The following CLCC1 variants were observed in gnomAD, a reference collection of about 807,000 sequenced individuals.
The protein encoded by CLCC1 is chloride channel CLIC-like protein 1.
A neutral mutation model predicts 63.3 loss-of-function variants in CLCC1; 39 were observed. The observed-to-expected ratio is 0.62, with a 90% CI of 0.48 to 0.81. CLCC1 has a LOEUF of 0.81. CLCC1 is among the 30% of genes least tolerant of loss of function. The pLI is 0.00. For synonymous variants in CLCC1, 217 were observed against 239.8 expected (o/e 0.90, Z 0.88); for missense variants, 549 against 669.4 (o/e 0.82, Z 1.98).
chr1:108,939,611 A>G lies in CLCC1; in HGVS notation c.1041+25T>C, dbSNP rs774579625. 3 of 1,606,166 alleles carry G rather than the reference A, an allele frequency of 1.9e-6. No individual in the cohort carries two copies. In the East Asian group the frequency reaches 6.7e-5, roughly 36 times the overall value. ...GGCGTGAGCCACCGCGCCTGGCCCG[A>G]CAGTGCTAATATATTAATACTAACC... On this transcript the variant is annotated intron_variant, in intron 10 of 12. Transcript: ENST00000369969.
Position 108,940,088 on chromosome 1 carries a change from T to C in CLCC1, c.851A>G (p.Glu284Gly), listed in dbSNP as rs1322635006. The change falls in exon 9 of 13, where the codon GAG becomes GGG. Residue 284 changes from glutamate (E) to glycine (G), a missense_variant. Physicochemically the swap from Glu to Gly is moderately conservative, Grantham distance 98 (BLOSUM62 -2). Coordinates refer to ENST00000369969, the MANE Select transcript of CLCC1 (RefSeq NM_001377458.1). ...CCAAATAGGGTTGACTAGTAAGAGC[T>C]CATAGTATTTTTGGCATGGGTCATC... is the stretch of plus-strand genomic sequence containing the variant. ...YKDDPCQKYY[E>G]LLLVNPIWLV... is the part of the protein sequence containing the mutation. 1 of 1,613,756 alleles carries C rather than the reference T, an allele frequency of 6.2e-7. No homozygotes were observed. Among genetic ancestry groups the C allele is most frequent in the Non-Finnish European group, 8.5e-7 (1 of 1,179,838 alleles).
chr1:108,930,516 G>C lies in CLCC1; in HGVS notation c.*2031C>G, dbSNP rs1052632900. 6.5e-6 allele frequency: 1 copy of C among 152,898 alleles called. No individual in the cohort carries two copies. Among genetic ancestry groups the C allele is most frequent in the Non-Finnish European group, 1.5e-5 (1 of 68,772 alleles). The allele number at this position is 152,898 out of a possible 1,614,324, so 9.5% of individuals were successfully genotyped here. On this transcript the variant is annotated 3_prime_UTR_variant, in exon 13 of 13. Transcript: ENST00000369969. ...CTCATTCCTGTAATCCCAGCACATT[G>C]GGAGGCTGAGGCAGGAGGATCGCTT... is the stretch of plus-strand genomic sequence containing the variant.
chr1:108,937,158 A>C lies in CLCC1; in HGVS notation c.1302T>G (p.Thr434=), dbSNP rs780931004. The part of the protein sequence containing the change: ...RERDVDLRFQ[T]GNKSPEVLRA... ...GGAGCACTTCAGGGCTCTTGTTGCC[A>C]GTCTGAAATCTCAAGTCAACATCTC... The change falls in exon 11 of 13, where the codon ACT becomes ACG. Residue 434 remains threonine, a synonymous_variant. Transcript: ENST00000369969. The C allele has an allele frequency of 1.3e-6, 2 of 1,576,982 alleles. No homozygotes were observed. Among genetic ancestry groups the C allele is most frequent in the East Asian group, 2.2e-5 (1 of 44,506 alleles).
chr1:108,959,314 AC>A (rs1656330039), intron 2 of CLCC1, among the ~76,000 whole-genome samples: 2 of 152,036 alleles, frequency 1.3e-5, no homozygotes, highest in Admixed American at 6.6e-5. Context: ...AGAGCACACC[AC>A]CGTACTCCAG....
At chr1:108,947,313 C>G (rs1238136467) in intron 5 of CLCC1, among the ~76,000 whole-genome samples, 1 of 152,128 alleles carries the variant, frequency 6.6e-6, no homozygotes, top group Non-Finnish European at 1.5e-5. Flanking sequence ...AGGATCAGAA[C>G]AGAATTATCA....
Position 108,931,474 on chromosome 1 carries a change from G to A in CLCC1, c.*1073C>T. The A allele has an allele frequency of 6.4e-7, 1 of 1,550,746 alleles. No individual in the cohort carries two copies. Among genetic ancestry groups the A allele is most frequent in the Non-Finnish European group, 8.7e-7 (1 of 1,147,036 alleles). On this transcript the variant is annotated 3_prime_UTR_variant, in exon 13 of 13. Coordinates refer to ENST00000369969, the MANE Select transcript of CLCC1 (RefSeq NM_001377458.1). ...AACTTGTTTCACTCTGCTTGCTTCA[G>A]ACTGTGCACAGCTGGGATGGGATCT...
At chr1:108,947,235 A>G (rs1654666232) in intron 5 of CLCC1, among the ~76,000 whole-genome samples, 1 of 152,232 alleles carries the variant, frequency 6.6e-6, no homozygotes, top group Admixed American at 6.5e-5. Flanking sequence ...ACAGTAAACA[A>G]CAAGGAGAAA....
At chr1:108,948,349 C>T (rs1477040150) in intron 4 of CLCC1, among the ~76,000 whole-genome samples, 1 of 152,220 alleles carries the variant, frequency 6.6e-6, no homozygotes, top group Non-Finnish European at 1.5e-5. Flanking sequence ...CGGGAGCAGA[C>T]TTCCTACGAA....
intron 2 of CLCC1, among the ~76,000 whole-genome samples, chr1:108,961,181 C>T (rs919335788): frequency 2.6e-5 from 4 of 151,600 alleles, no homozygotes; most frequent in African/African-American, 9.7e-5. Flanking sequence ...CCTGCCAGAT[C>T]CCCATGGTCA....
At chr1:108,945,316 G>T (rs930953387) in intron 5 of CLCC1, among the ~76,000 whole-genome samples, 1 of 151,876 alleles carries the variant, frequency 6.6e-6, no homozygotes, top group Non-Finnish European at 1.5e-5. Flanking sequence ...TTTAATGATT[G>T]GTCTCAAAAT....
chr1:108,955,786 T>C (rs536774653), intron 2 of CLCC1, among the ~76,000 whole-genome samples: 1 of 151,600 alleles, frequency 6.6e-6, no homozygotes, highest in South Asian at 2.1e-4. Context: ...CTCCTGTCAC[T>C]GGACATCAGA....
At chr1:108,949,421 C>T (rs769141033) in intron 4 of CLCC1, among the ~76,000 whole-genome samples, 26 of 152,188 alleles carry the variant, frequency 1.7e-4, no homozygotes, top group Non-Finnish European at 2.8e-4. Flanking sequence ...AATAATCCTT[C>T]TTAAGAGTAA....
At chr1:108,953,258 C>T (rs564566376) in intron 2 of CLCC1, among the ~76,000 whole-genome samples, 34 of 152,310 alleles carry the variant, frequency 2.2e-4, no homozygotes, top group South Asian at 6.2e-4. Flanking sequence ...TCCCCATGTG[C>T]CCTGTATATT....
In CLCC1 at chr1:108,931,642, A is replaced by G; in HGVS notation, c.*905T>C. The G allele has an allele frequency of 1.9e-6, 2 of 1,064,300 alleles. No individual in the cohort carries two copies. The highest frequency in any genetic ancestry group is 2.8e-5 in the East Asian group (1 of 35,318). 65.9% of individuals were successfully genotyped at this position (1,064,300 alleles called of 1,614,324 possible). A position where few individuals can be genotyped will look rare whatever the true frequency, so the allele number is the denominator to read the frequency against. On this transcript the variant is annotated 3_prime_UTR_variant, in exon 13 of 13. Transcript: ENST00000369969. ...AAGTGCTCAGCTAAAAAAAAAAAAA[A>G]AGTTCTAAATTACAACCTGGATTAC...
rs527270688 is a variant in CLCC1 at position 108,931,461 on chromosome 1, T to A, written c.*1086A>T. 168 of 1,550,822 alleles carry A rather than the reference T, an allele frequency of 1.1e-4. 1 individual carries two copies. In the South Asian group the frequency reaches 1.1e-3, roughly 10 times the overall value. On this transcript the variant is annotated 3_prime_UTR_variant, in exon 13 of 13. Transcript: ENST00000369969. ...GGAACAAGTTGCCAACTTGTTTCAC[T>A]CTGCTTGCTTCAGACTGTGCACAGC...
intron 2 of CLCC1, among the ~76,000 whole-genome samples, chr1:108,955,870 G>A (rs1033397957): frequency 2.6e-5 from 4 of 151,708 alleles, no homozygotes; most frequent in Admixed American, 6.5e-5. Context: ...TTCAGCCTCA[G>A]ACTGAAAATT....
rs372449194 is a variant in CLCC1 at position 108,950,409 on chromosome 1, C to T, written c.29G>A (p.Cys10Tyr). 18 of 1,610,490 alleles carry T rather than the reference C, an allele frequency of 1.1e-5. No homozygotes were observed. The Admixed American group carries it at 1.3e-4, about 12-fold the overall frequency. ...AGCATAACCAGCTACCAGCAACAGA[C>T]ATTCACAAAGGAGCAAAGAACACAG... MLCSLLLCE[C>Y]LLLVAGYAHD... Residue 10 changes from cysteine (C) to tyrosine (Y), a missense_variant, in exon 3 of 13, where the codon TGT becomes TAT. Cys to Tyr is a radical substitution (Grantham distance 194, BLOSUM62 -2). Transcript: ENST00000369969.
chr1:108,944,865 A>G (rs11102681), intron 5 of CLCC1, among the ~76,000 whole-genome samples: 76,304 of 151,960 alleles, frequency 0.5, 19,624 homozygotes, highest in African/African-American at 0.62. Context: ...TCCTGACCTC[A>G]TGATCCGCCC....
intron 2 of CLCC1, among the ~76,000 whole-genome samples, chr1:108,959,774 G>T (rs568193965): frequency 6.6e-6 from 1 of 152,300 alleles, no homozygotes; most frequent in East Asian, 1.9e-4. Context: ...CCAAGATGGA[G>T]TAACAGGGAC....
Sources: gnomAD v4.1 joint callset for allele counts (sites outside exome capture counted in the v4.1 genomes callset) on GRCh38, gnomAD v4.1.1 for gene constraint, MANE v1.5 for transcripts, NCBI Gene and HGNC (gene_info 2026-07-23, HGNC 2026-07-21) for gene names.